Variants in DPYSL5 observed in about 807,000 individuals in gnomAD.
DPYSL5 encodes the protein dihydropyrimidinase-related protein 5.
DPYSL5 carries 9 observed loss-of-function variants against 58.4 expected under a neutral mutation model. The observed-to-expected ratio is 0.15, with a 90% CI of 0.09 to 0.27. The LOEUF (loss-of-function observed/expected upper bound fraction) is 0.27. Ranked by LOEUF, DPYSL5 falls within the 10% of genes least tolerant of loss-of-function variation. The pLI, the probability that DPYSL5 is intolerant of heterozygous loss-of-function variation, is 1.00. For missense variants in DPYSL5, 499 were observed against 770.6 expected (o/e 0.65, Z 4.17); for synonymous variants, 293 against 301.9 (o/e 0.97, Z 0.31).
At chr2:26,886,356 C>T (rs1473613501) in intron 1 of DPYSL5, among the ~76,000 whole-genome samples, 1 of 152,114 alleles carries the variant, frequency 6.6e-6, no homozygotes, top group Non-Finnish European at 1.5e-5. Context: ...GCTGAGTTCA[C>T]AGGTCTCTGT....
intron 5 of DPYSL5, among the ~76,000 whole-genome samples, 162 bp from the exon 6 acceptor site, chr2:26,931,478 C>G (rs1664986295): frequency 6.6e-6 from 1 of 151,986 alleles, no homozygotes; most frequent in Admixed American, 6.6e-5. Flanking sequence ...AGAATTCTCC[C>G]TCACTGTGAG....
At chr2:26,895,940 C>T (rs111803742) in intron 1 of DPYSL5, among the ~76,000 whole-genome samples, 62 of 151,828 alleles carry the variant, frequency 4.1e-4, no homozygotes, top group African/African-American at 1.1e-3. Flanking sequence ...CCACCACGCC[C>T]GGCTAGTTCT....
chr2:26,878,915 C>T (rs886617975), intron 1 of DPYSL5, among the ~76,000 whole-genome samples: 3 of 152,224 alleles, frequency 2.0e-5, no homozygotes, highest in Non-Finnish European at 2.9e-5. Context: ...ACCTCCAAGG[C>T]ACTTGTGAGA....
At chr2:26,917,902 G>A (rs773508726) in intron 2 of DPYSL5, among the ~76,000 whole-genome samples, 4 of 152,080 alleles carry the variant, frequency 2.6e-5, no homozygotes, top group African/African-American at 7.2e-5. Flanking sequence ...TTGAAAGGCC[G>A]AGGCAGACAG....
chr2:26,939,986 C>T lies in DPYSL5; in HGVS notation c.948-45C>T, dbSNP rs372618089. On this transcript the variant is annotated intron_variant, in intron 8 of 12. Coordinates refer to ENST00000288699, the MANE Select transcript of DPYSL5 (RefSeq NM_020134.4). The stretch of plus-strand genomic sequence containing the variant: ...ATATCTATCCTCACCCTCTAAGTTC[C>T]TCACCTCCCCTCCCCTTACTGGTCA... The T allele has an allele frequency of 1.6e-5, 25 of 1,611,918 alleles. No homozygotes were observed. The African/African-American group carries it at 3.1e-4, about 20-fold the overall frequency.
At chr2:26,884,454 C>G (rs1351494809) in intron 1 of DPYSL5, among the ~76,000 whole-genome samples, 1 of 151,834 alleles carries the variant, frequency 6.6e-6, no homozygotes, top group Non-Finnish European at 1.5e-5. Context: ...AAGACTGGTG[C>G]TGTGCACACT....
At position 26,914,507 on chromosome 2, in the gene DPYSL5, G is replaced by T. The variant is rs541560933; in HGVS notation, c.262-10380G>T. ...TTAGGAATTTGTGACAGAAGGGAAG[G>T]AGGGGCAGGGGCTTTTGCACAGCCT... On this transcript the variant is annotated intron_variant, in intron 2 of 12. Coordinates refer to ENST00000288699, the MANE Select transcript of DPYSL5 (RefSeq NM_020134.4). Among the ~76,000 whole-genome samples, 25 of 152,338 alleles carry T rather than the reference G, an allele frequency of 1.6e-4. No homozygotes were observed. The South Asian group carries it at 5.2e-3, about 32-fold the overall frequency.
intron 1 of DPYSL5, among the ~76,000 whole-genome samples, chr2:26,856,191 T>A (rs932223829): frequency 6.6e-6 from 1 of 152,144 alleles, no homozygotes; most frequent in Non-Finnish European, 1.5e-5. Context: ...AACAGAAAAT[T>A]GGAGTCTCTG....
chr2:26,906,843 G>A (rs1020434187), intron 2 of DPYSL5, among the ~76,000 whole-genome samples: 3 of 151,218 alleles, frequency 2.0e-5, no homozygotes, highest in African/African-American at 7.3e-5. Flanking sequence ...TCACTGTGGC[G>A]TCAACCACCT....
chr2:26,941,061 C>T (rs1431885863), intron 9 of DPYSL5, among the ~76,000 whole-genome samples: 8 of 151,852 alleles, frequency 5.3e-5, no homozygotes, highest in Admixed American at 3.9e-4. Context: ...CTCAGCCTCC[C>T]GAGTAGCTGG....
intron 12 of DPYSL5, among the ~76,000 whole-genome samples, chr2:26,945,517 C>G (rs1469509237): frequency 1.3e-5 from 2 of 151,270 alleles, no homozygotes; most frequent in East Asian, 1.9e-4. Context: ...CCCGTCCCCC[C>G]CCGCACCCAT....
chr2:26,897,664 C>T (rs952273506), intron 1 of DPYSL5, among the ~76,000 whole-genome samples: 8 of 152,040 alleles, frequency 5.3e-5, no homozygotes, highest in African/African-American at 1.7e-4. Context: ...AGGCTAATAC[C>T]GGCTTCATAA....
chr2:26,867,982 T>C (rs959002451), intron 1 of DPYSL5, among the ~76,000 whole-genome samples: 1 of 152,184 alleles, frequency 6.6e-6, no homozygotes, highest in African/African-American at 2.4e-5. Context: ...CACTCCCAAT[T>C]TGCACCCCTC....
rs183402893 is a variant in DPYSL5, at chr2:26,875,971, C to A, written c.-4-22525C>A. Among the ~76,000 whole-genome samples, 68 of 152,252 alleles carry A rather than the reference C, an allele frequency of 4.5e-4. 2 individuals are homozygous for A. The highest frequency in any genetic ancestry group is 1.6e-3 in the African/African-American group (66 of 41,540). On this transcript the variant is annotated intron_variant, in intron 1 of 12. Coordinates refer to ENST00000288699, the MANE Select transcript of DPYSL5 (RefSeq NM_020134.4). Reference sequence around the variant, plus strand: ...ATGTAGACGTATTCATCTCTTTTATCGGTAGGTATGCAGCAGGTGCTCCAC... The same window carrying A: ...ATGTAGACGTATTCATCTCTTTTATAGGTAGGTATGCAGCAGGTGCTCCAC...
At chr2:26,902,844 G>A (rs1465632830) in intron 2 of DPYSL5, among the ~76,000 whole-genome samples, 3 of 152,074 alleles carry the variant, frequency 2.0e-5, no homozygotes, top group Non-Finnish European at 4.4e-5. Context: ...CACAAGAAGT[G>A]ACCCCTTGTC....
At position 26,928,702 on chromosome 2, in the gene DPYSL5, T is replaced by TAC. The variant is rs1558349164; in HGVS notation, c.669+380_669+381insCA. 8.2e-4 allele frequency among the ~76,000 whole-genome samples: 33 copies of TAC among 40,162 alleles called. 1 individual carries two copies. The highest frequency in any genetic ancestry group is 2.8e-3 in the African/African-American group (32 of 11,334). 26.3% of individuals were successfully genotyped at this position (40,162 alleles called of 152,430 possible). Reference sequence around the variant, plus strand: ...AGGTGATAGAGTATATATATATATATATACACACACACACATACATATATA... The same window carrying TAC: ...AGGTGATAGAGTATATATATATATATACATACACACACACACATACATATATA... On this transcript the variant is annotated intron_variant, in intron 5 of 12. Transcript: ENST00000288699.
intron 1 of DPYSL5, among the ~76,000 whole-genome samples, chr2:26,864,369 A>G (rs1666091887): frequency 6.6e-6 from 1 of 152,248 alleles, no homozygotes; most frequent in Admixed American, 6.5e-5. Context: ...ATGCCTCAAC[A>G]ATGCTGACAG....
At chr2:26,931,511 C>A in intron 5 of DPYSL5, 129 bp from the exon 6 acceptor site, 1 of 981,630 alleles carries the variant, frequency 1.0e-6, no homozygotes, top group Non-Finnish European at 1.5e-6. Context: ...GAGGTTAGTG[C>A]CTCTGCCCGG....
At chr2:26,856,937 A>G (rs1665894739) in intron 1 of DPYSL5, among the ~76,000 whole-genome samples, 1 of 148,086 alleles carries the variant, frequency 6.8e-6, no homozygotes, top group Non-Finnish European at 1.5e-5. Context: ...TTATATATGT[A>G]TATATAATAT....
Sources: gnomAD v4.1 joint callset for allele counts (sites outside exome capture counted in the v4.1 genomes callset) on GRCh38, gnomAD v4.1.1 for gene constraint, MANE v1.5 for transcripts, NCBI Gene and HGNC (gene_info 2026-07-23, HGNC 2026-07-21) for gene names.